The following CEP44 variants were observed in gnomAD, a reference collection of about 807,000 sequenced individuals.
CEP44 encodes the protein centrosomal protein of 44 kDa.
A neutral mutation model predicts 46.7 loss-of-function variants in CEP44; 45 were observed. That is an observed-to-expected ratio of 0.96 (90% CI 0.76 to 1.24). CEP44 has a LOEUF of 1.24. Ranked by LOEUF, CEP44 falls within the 50% of genes most tolerant of loss-of-function variation. CEP44 has a pLI of 0.00. For synonymous variants in CEP44, 142 were observed against 146.0 expected (o/e 0.97, Z 0.20); for missense variants, 475 against 459.7 (o/e 1.03, Z -0.30).
In CEP44 at chr4:174,319,095, A is replaced by G. The variant is rs886901384; in HGVS notation, c.*1712A>G. The G allele has an allele frequency of 8.2e-6, 8 of 979,576 alleles. No individual in the cohort carries two copies. Among genetic ancestry groups the G allele is most frequent in the Non-Finnish European group, 9.7e-6 (8 of 824,626 alleles). The allele number at this position is 979,576 out of a possible 1,614,324, so 60.7% of individuals were successfully genotyped here. A position where few individuals can be genotyped will look rare whatever the true frequency, so the allele number is the denominator to read the frequency against. On this transcript the variant is annotated 3_prime_UTR_variant, in exon 12 of 12. Coordinates refer to ENST00000503780, the MANE Select transcript of CEP44 (RefSeq NM_001040157.3). Reference sequence around the variant, plus strand: ...AAGTGCTAGATTCCATGGGTGAGTCACCATGCTTGGCCACATTTTTAGTAT... The same window carrying G: ...AAGTGCTAGATTCCATGGGTGAGTCGCCATGCTTGGCCACATTTTTAGTAT...
rs1490250571 is a variant in CEP44 at position 174,310,931 on chromosome 4, T to C, written c.961+73T>C. The C allele has an allele frequency of 9.8e-6, 7 of 712,096 alleles. No homozygotes were observed. Among genetic ancestry groups the C allele is most frequent in the Non-Finnish European group, 1.7e-5 (7 of 418,956 alleles). 44.1% of individuals were successfully genotyped at this position (712,096 alleles called of 1,614,324 possible). A position where few individuals can be genotyped will look rare whatever the true frequency, so the allele number is the denominator to read the frequency against. ...AATGATTGTTATAGTAATTTTAATA[T>C]TCTTAAGCTTTATTGTTTAGAAATT... is the stretch of plus-strand genomic sequence containing the variant. On this transcript the variant is annotated intron_variant, in intron 9 of 11. Transcript: ENST00000503780. This position sits in a 1 kb window ranked among gnomAD's most constrained non-coding sequence, Gnocchi z 4.2.
At chr4:174,305,440 C>T (rs1215987506) in intron 6 of CEP44, among the ~76,000 whole-genome samples, 20 of 152,020 alleles carry the variant, frequency 1.3e-4, no homozygotes, top group East Asian at 9.6e-4. Flanking sequence ...GCTGACAGAG[C>T]GAGACTCCAT....
intron 8 of CEP44, among the ~76,000 whole-genome samples, chr4:174,327,952 C>G (rs752542118): frequency 1.2e-4 from 18 of 152,104 alleles, no homozygotes; most frequent in Non-Finnish European, 2.2e-4. Context: ...GGAGATTTAT[C>G]TTTATAACTT....
At chr4:174,298,779 T>TAAA (rs368078048) in intron 2 of CEP44, among the ~76,000 whole-genome samples, 1 of 151,456 alleles carries the variant, frequency 6.6e-6, no homozygotes, top group African/African-American at 2.4e-5. Context: ...GCTTTATGCT[T>TAAA]AAAAAAAAAC....
chr4:174,292,896 T>G (rs1738400201), intron 1 of CEP44, among the ~76,000 whole-genome samples: 1 of 152,222 alleles, frequency 6.6e-6, no homozygotes, highest in South Asian at 2.1e-4. Context: ...TTATAGTCAG[T>G]TTCTGTAACC....
intron 8 of CEP44, among the ~76,000 whole-genome samples, chr4:174,327,116 A>G (rs995964177): frequency 6.7e-6 from 1 of 150,076 alleles, no homozygotes; most frequent in African/African-American, 2.4e-5. Context: ...ATATGTATAT[A>G]TATATCTACA....
chr4:174,293,268 T>C (rs1441774180), intron 1 of CEP44, among the ~76,000 whole-genome samples: 1 of 152,172 alleles, frequency 6.6e-6, no homozygotes, highest in Non-Finnish European at 1.5e-5. Context: ...CTGGAGCCAG[T>C]TCTGTAGTCA....
upstream of CEP44, chr4:174,283,723 G>A (rs1382722300): frequency 1.0e-5 from 4 of 397,236 alleles, no homozygotes; most frequent in South Asian, 5.7e-4. This position sits in a 1 kb window ranked among gnomAD's most constrained non-coding sequence, Gnocchi z 6.7. Flanking sequence ...TATTTCTGTT[G>A]TTTACGATTC....
rs1737734635 is a variant in CEP44, at chr4:174,287,811, C to G, written c.-148+3868C>G. Among the ~76,000 whole-genome samples the G allele has an allele frequency of 6.6e-6, 1 of 152,104 alleles. No individual in the cohort carries two copies. The highest frequency in any genetic ancestry group is 2.4e-5 in the African/African-American group (1 of 41,426). On this transcript the variant is annotated intron_variant, in intron 1 of 11. Coordinates refer to ENST00000503780, the MANE Select transcript of CEP44 (RefSeq NM_001040157.3). The surrounding 1 kb of genome is among the most constrained non-coding windows in gnomAD (Gnocchi z 5.1). ...GTGTTTTGCAGTAACCTTTTTGTTT[C>G]TATAATTTCATGGTAAGAAAGAAAA...
rs896371999 is a variant in CEP44 at position 174,329,369 on chromosome 4, G to A, written c.1087-2113G>A. 2.6e-5 allele frequency among the ~76,000 whole-genome samples: 4 copies of A among 151,904 alleles called. No homozygotes were observed. Among genetic ancestry groups the A allele is most frequent in the African/African-American group, 7.2e-5 (3 of 41,396 alleles). ...ACACACACACACACACATTTTAATAGGAGTTAATTATAAGAATTTTTAGAA... is the reference window on the plus strand; with the variant it reads ...ACACACACACACACACATTTTAATAAGAGTTAATTATAAGAATTTTTAGAA... On this transcript the variant is annotated intron_variant, in intron 8 of 8. Coordinates refer to the CEP44 transcript ENST00000426172. This position sits in a 1 kb window ranked among gnomAD's most constrained non-coding sequence, Gnocchi z 4.0.
Position 174,309,901 on chromosome 4 carries a change from T to G in CEP44, c.730T>G (p.Cys244Gly), listed in dbSNP as rs371383514. 2 of 1,612,314 alleles carry G rather than the reference T, an allele frequency of 1.2e-6. No homozygotes were observed. The highest frequency in any genetic ancestry group is 2.7e-5 in the African/African-American group (2 of 74,868). The part of the protein sequence containing the change: ...ITALQTMLAE[C>G]QENLKKLTSI... ...TGCACTACAAACTATGCTTGCTGAA[T>G]GCCAAGAAAATCTTAAGAAACTGAC... The change falls in exon 8 of 12, where the codon TGC becomes GGC. Residue 244 changes from cysteine to glycine, a missense_variant. Coordinates refer to ENST00000503780, the MANE Select transcript of CEP44 (RefSeq NM_001040157.3). The surrounding 1 kb of genome is among the most constrained non-coding windows in gnomAD (Gnocchi z 5.3).
intron 1 of CEP44, among the ~76,000 whole-genome samples, chr4:174,292,841 A>T (rs1344091519): frequency 6.6e-6 from 1 of 152,050 alleles, no homozygotes; most frequent in Non-Finnish European, 1.5e-5. Context: ...GCTTAAGATG[A>T]TTATTTTGAA....
Position 174,287,527 on chromosome 4 carries a change from A to G in CEP44, c.-148+3584A>G, listed in dbSNP as rs956300990. The stretch of plus-strand genomic sequence containing the variant: ...GCTTGAGATATCACCAAACATCCTT[A>G]TCCAGGTCCAGGAACTTTATCCCAG... On this transcript the variant is annotated intron_variant, in intron 1 of 11. Coordinates refer to ENST00000503780, the MANE Select transcript of CEP44 (RefSeq NM_001040157.3). This position sits in a 1 kb window ranked among gnomAD's most constrained non-coding sequence, Gnocchi z 5.1. Among the ~76,000 whole-genome samples, 40 of 152,168 alleles carry G rather than the reference A, an allele frequency of 2.6e-4. No individual in the cohort carries two copies. The highest frequency in any genetic ancestry group is 2.4e-3 in the Admixed American group (37 of 15,286).
intron 10 of CEP44, 98 bp downstream of exon 10, chr4:174,316,388 G>A (rs890818754): frequency 1.0e-5 from 14 of 1,399,226 alleles, no homozygotes; most frequent in African/African-American, 7.2e-5. Flanking sequence ...TAGCAAACGC[G>A]AATCTTAGTC....
In CEP44 at chr4:174,326,772, G is replaced by GT. The variant is rs954357622; in HGVS notation, c.1087-4703dup. On this transcript the variant is annotated intron_variant, in intron 8 of 8. Transcript: ENST00000426172. This position sits in a 1 kb window ranked among gnomAD's most constrained non-coding sequence, Gnocchi z 4.8. ...AATTTTAGGTGAATAGGGATTTTTGGTTTTTTTGTTTGTTGTTTTTCATTC... is the reference window on the plus strand; with the variant it reads ...AATTTTAGGTGAATAGGGATTTTTGGTTTTTTTTGTTTGTTGTTTTTCATTC... Among the ~76,000 whole-genome samples the GT allele has an allele frequency of 6.6e-6, 1 of 151,760 alleles. No homozygotes were observed. Among genetic ancestry groups the GT allele is most frequent in the African/African-American group, 2.4e-5 (1 of 41,352 alleles).
intron 9 of CEP44, among the ~76,000 whole-genome samples, chr4:174,315,009 T>A (rs1741496912): frequency 6.6e-6 from 1 of 152,106 alleles, no homozygotes; most frequent in South Asian, 2.1e-4. Flanking sequence ...GTGGTGGAAG[T>A]TTACGCTGAT....
In CEP44 at chr4:174,329,335, C is replaced by CACACAG. The variant is rs1288150410; in HGVS notation, c.1087-2141_1087-2136dup. Reference sequence around the variant, plus strand: ...AGCCCTTTGCTCAAACACAGACACACACACAGACACACACACACACACACA... The same window carrying CACACAG: ...AGCCCTTTGCTCAAACACAGACACACACACAGACACAGACACACACACACACACACA... On this transcript the variant is annotated intron_variant, in intron 8 of 8. Coordinates refer to the CEP44 transcript ENST00000426172. The surrounding 1 kb of genome is among the most constrained non-coding windows in gnomAD (Gnocchi z 4.0). Among the ~76,000 whole-genome samples the CACACAG allele has an allele frequency of 2.0e-5, 3 of 147,508 alleles. No homozygotes were observed. The highest frequency in any genetic ancestry group is 7.4e-5 in the African/African-American group (3 of 40,764).
At chr4:174,295,321 GGT>G (rs1334676399) in intron 1 of CEP44, among the ~76,000 whole-genome samples, 2 of 151,662 alleles carry the variant, frequency 1.3e-5, no homozygotes, top group East Asian at 3.9e-4. Context: ...GTCGCGGCCG[GGT>G]AGAGGTGCTC....
chr4:174,296,763 ATTT>A (rs202212472), intron 1 of CEP44, among the ~76,000 whole-genome samples: 2 of 90,402 alleles, frequency 2.2e-5, no homozygotes. Flanking sequence ...GTCCTTACTG[ATTT>A]TTTTTTTTTT....
Sources: gnomAD v4.1 joint callset for allele counts (sites outside exome capture counted in the v4.1 genomes callset) on GRCh38, gnomAD v4.1.1 for gene constraint, Gnocchi (gnomAD v3.1) non-coding constraint, MANE v1.5 for transcripts, NCBI Gene and HGNC (gene_info 2026-07-23, HGNC 2026-07-21) for gene names.